Variants in GHR observed in about 807,000 individuals in gnomAD.
GHR encodes GH receptor.
A neutral mutation model predicts 67.1 loss-of-function variants in GHR; 35 were observed. The ratio of observed to expected loss-of-function variants is 0.52; its 90% confidence interval spans 0.40 to 0.69. The LOEUF (loss-of-function observed/expected upper bound fraction) is 0.69, where lower values mean the gene tolerates loss of function less well. Among genes scored for constraint, GHR ranks in the 30% least tolerant of loss-of-function variants. GHR has a pLI of 0.00. For synonymous variants in GHR, 272 were observed against 269.1 expected, an observed-to-expected ratio of 1.01 and a Z score of -0.10; for missense variants, 792 against 764.6, an observed-to-expected ratio of 1.04 and a Z score of -0.42.
chr5:42,703,415 C>T (rs1758025277), intron 6 of GHR, among the ~76,000 whole-genome samples: 1 of 151,810 alleles, frequency 6.6e-6, no homozygotes, highest in South Asian at 2.1e-4. Context: ...TGGTTTATGT[C>T]ATTTTTATGC....
intron 1 of GHR, among the ~76,000 whole-genome samples, chr5:42,427,286 A>G (rs973922460): frequency 6.6e-6 from 1 of 152,234 alleles, no homozygotes; most frequent in Non-Finnish European, 1.5e-5. Context: ...TCACAGTTCC[A>G]CATGGCTGGG....
intron 1 of GHR, among the ~76,000 whole-genome samples, chr5:42,485,537 G>A (rs978031540): frequency 6.6e-6 from 1 of 152,164 alleles, no homozygotes; most frequent in African/African-American, 2.4e-5. Flanking sequence ...CTTGCCCAAG[G>A]CTACCCAGTT....
rs1470824337 is a variant in GHR, at chr5:42,718,755, G to A, written c.1248G>A (p.Arg416=). ...EGTSEVAQPQ[R]LKGEADLLCL... is the part of the protein sequence containing the mutation. ...CCTCAGAGGTTGCTCAGCCACAGAGGTTAAAAGGGGAAGCAGATCTCTTAT... is the reference window on the plus strand; with the variant it reads ...CCTCAGAGGTTGCTCAGCCACAGAGATTAAAAGGGGAAGCAGATCTCTTAT... The change falls in exon 10 of 10, where the codon AGG becomes AGA. Residue 416 remains arginine, a synonymous_variant. Transcript: ENST00000230882. The A allele has an allele frequency of 6.2e-7, 1 of 1,614,128 alleles. No individual in the cohort carries two copies. Among genetic ancestry groups the A allele is most frequent in the East Asian group, 2.2e-5 (1 of 44,882 alleles).
intron 2 of GHR, among the ~76,000 whole-genome samples, chr5:42,574,480 G>T (rs1485681073): frequency 6.6e-6 from 1 of 152,208 alleles, no homozygotes; most frequent in Non-Finnish European, 1.5e-5. Flanking sequence ...TTTCTAAGAG[G>T]CTCTTAATGA....
intron 6 of GHR, among the ~76,000 whole-genome samples, chr5:42,700,378 G>A (rs1030400156): frequency 2.6e-5 from 4 of 152,154 alleles, no homozygotes; most frequent in Admixed American, 2.6e-4. Flanking sequence ...CATGATTTCA[G>A]TTGCTGCTAC....
At chr5:42,686,589 T>C (rs1293654464) in intron 3 of GHR, among the ~76,000 whole-genome samples, 1 of 152,176 alleles carries the variant, frequency 6.6e-6, no homozygotes, top group African/African-American at 2.4e-5. Flanking sequence ...CATGATTATC[T>C]CAATAGATGC....
intron 1 of GHR, among the ~76,000 whole-genome samples, chr5:42,453,051 G>GT (rs969397426): frequency 3.3e-4 from 46 of 137,964 alleles, no homozygotes; most frequent in South Asian, 1.6e-3. Context: ...TGTGGACTGT[G>GT]TTTTTTTTTT....
Position 42,424,428 on chromosome 5 carries a change from G to C in GHR, c.-12+473G>C. ...TGCCGAGGCTGCTGCTGTTGCGCGG[G>C]GAAGAATCCCCGGCAGCGCGACTGG... is the stretch of plus-strand genomic sequence containing the variant. On this transcript the variant is annotated intron_variant, in intron 1 of 9. Transcript: ENST00000230882. The surrounding 1 kb of genome is among the most constrained non-coding windows in gnomAD (Gnocchi z 4.1). 1 of 626,540 alleles carries C rather than the reference G, an allele frequency of 1.6e-6. No homozygotes were observed. Among genetic ancestry groups the C allele is most frequent in the South Asian group, 1.9e-5 (1 of 53,638 alleles). The allele number at this position is 626,540 out of a possible 1,614,324, so 38.8% of individuals were successfully genotyped here. A position where few individuals can be genotyped will look rare whatever the true frequency, so the allele number is the denominator to read the frequency against.
In GHR at chr5:42,703,020, GTTGA is replaced by G. The variant is rs371570662; in HGVS notation, c.618+3022_618+3025del. 1.5e-4 allele frequency among the ~76,000 whole-genome samples: 23 copies of G among 152,008 alleles called. No individual in the cohort carries two copies. The East Asian group carries it at 4.2e-3, about 28-fold the overall frequency. The stretch of plus-strand genomic sequence containing the variant: ...ATTCCATAGAGTGTCTTTTTACTCT[GTTGA>G]TTGTTTCCTTGGCAGTGCAGAAGCT... On this transcript the variant is annotated intron_variant, in intron 6 of 9. Coordinates refer to ENST00000230882, the MANE Select transcript of GHR (RefSeq NM_000163.5).
At chr5:42,597,895 G>A (rs921370408) in intron 2 of GHR, among the ~76,000 whole-genome samples, 4 of 152,130 alleles carry the variant, frequency 2.6e-5, no homozygotes, top group Admixed American at 2.0e-4. Flanking sequence ...AAGACAATCC[G>A]GGTAAGATTT....
At chr5:42,691,670 C>A (rs999355449) in intron 4 of GHR, among the ~76,000 whole-genome samples, 2 of 152,356 alleles carry the variant, frequency 1.3e-5, no homozygotes, top group Non-Finnish European at 2.9e-5. Flanking sequence ...GTATCTAAAG[C>A]ACAACAGAAC....
At chr5:42,453,121 A>T in intron 1 of GHR, among the ~76,000 whole-genome samples, 1 of 148,920 alleles carries the variant, frequency 6.7e-6, no homozygotes, top group Non-Finnish European at 1.5e-5. Flanking sequence ...GCCTAATTGG[A>T]GTCTTGGTGC....
At chr5:42,666,874 T>C (rs911886741) in intron 3 of GHR, among the ~76,000 whole-genome samples, 1 of 152,164 alleles carries the variant, frequency 6.6e-6, no homozygotes, top group Non-Finnish European at 1.5e-5. Context: ...CATGAATCAA[T>C]AACTGTGAGG....
At chr5:42,654,285 G>C (rs1263484635) in intron 3 of GHR, among the ~76,000 whole-genome samples, 1 of 152,042 alleles carries the variant, frequency 6.6e-6, no homozygotes, top group Non-Finnish European at 1.5e-5. Context: ...TGGTTTTCTT[G>C]AGCATTAAAC....
At chr5:42,489,831 A>G (rs1746037735) in intron 1 of GHR, among the ~76,000 whole-genome samples, 1 of 152,236 alleles carries the variant, frequency 6.6e-6, no homozygotes, top group African/African-American at 2.4e-5. Context: ...TAAAGTCATA[A>G]AATAAATATT....
At chr5:42,590,556 C>A (rs1349581480) in intron 2 of GHR, among the ~76,000 whole-genome samples, 1 of 152,140 alleles carries the variant, frequency 6.6e-6, no homozygotes, top group Non-Finnish European at 1.5e-5. Context: ...CCCTTAAAAG[C>A]AACCACAGAT....
intron 2 of GHR, among the ~76,000 whole-genome samples, chr5:42,584,557 C>T (rs1751370879): frequency 6.6e-6 from 1 of 152,112 alleles, no homozygotes; most frequent in African/African-American, 2.4e-5. Flanking sequence ...TGTGTGTCTT[C>T]CCCCACAGCA....
At chr5:42,645,767 T>C (rs1279966347) in intron 3 of GHR, among the ~76,000 whole-genome samples, 2 of 152,240 alleles carry the variant, frequency 1.3e-5, no homozygotes, top group Non-Finnish European at 2.9e-5. Context: ...ATAAACAAGA[T>C]GAAATCCAAA....
rs547684785 is a variant in GHR, at chr5:42,582,818, C to T, written c.70+16874C>T. Among the ~76,000 whole-genome samples, 168 of 152,318 alleles carry T rather than the reference C, an allele frequency of 1.1e-3. 1 individual carries two copies. Among genetic ancestry groups the T allele is most frequent in the African/African-American group, 4.0e-3 (166 of 41,568 alleles). On this transcript the variant is annotated intron_variant, in intron 2 of 9. Transcript: ENST00000230882. ...CACGGTGGAAGCCATTTGCGTACAT[C>T]AGATGCAGCCGCAGGCTTGCATGGA...
Sources: gnomAD v4.1 joint callset for allele counts (sites outside exome capture counted in the v4.1 genomes callset) on GRCh38, gnomAD v4.1.1 for gene constraint, Gnocchi (gnomAD v3.1) non-coding constraint, MANE v1.5 for transcripts, NCBI Gene and HGNC (gene_info 2026-07-23, HGNC 2026-07-21) for gene names.